Variants in ANGPT1 observed in about 807,000 individuals in gnomAD.
ANGPT1 encodes angiopoietin 1.
Under a neutral mutation model 62.2 loss-of-function variants are expected in ANGPT1, and 17 were observed. The observed-to-expected ratio is 0.27, with a 90% confidence interval of 0.19 to 0.41. The LOEUF (loss-of-function observed/expected upper bound fraction) is 0.41. ANGPT1 is among the 10% of genes least tolerant of loss of function. The probability of loss-of-function intolerance (pLI) is 1.00; values close to 1 mark genes in which losing one functional copy is unlikely to be tolerated. For missense variants in ANGPT1, 478 were observed against 594.9 expected, an observed-to-expected ratio of 0.80 and a Z score of 2.04; for synonymous variants, 199 against 198.9, an observed-to-expected ratio of 1.00 and a Z score of 0.00.
chr8:107,265,649 A>G (rs1227412491), intron 7 of ANGPT1, among the ~76,000 whole-genome samples: 4 of 152,148 alleles, frequency 2.6e-5, no homozygotes, highest in East Asian at 3.9e-4. Context: ...CTTCAAATTC[A>G]TATAGGTCAC....
intron 2 of ANGPT1, among the ~76,000 whole-genome samples, chr8:107,341,339 C>T (rs920134663): frequency 2.0e-5 from 3 of 151,860 alleles, no homozygotes; most frequent in East Asian, 1.9e-4. Flanking sequence ...AAATGCAGAA[C>T]GTGAAATGAT....
intron 7 of ANGPT1, among the ~76,000 whole-genome samples, chr8:107,272,682 T>C (rs12542896): frequency 0.94 from 141,402 of 151,144 alleles, 66,236 homozygotes; most frequent in Middle Eastern, 0.98. Flanking sequence ...GTTATTGTTG[T>C]GTGCCTTTCA....
chr8:107,292,527 A>AT (rs199844664), intron 6 of ANGPT1, among the ~76,000 whole-genome samples: 1,702 of 152,268 alleles, frequency 0.011, 21 homozygotes, highest in Middle Eastern at 0.02. Flanking sequence ...TAATTTAGGT[A>AT]TTTTTTATCT....
At chr8:107,354,901 C>T (rs2130184571) in intron 1 of ANGPT1, among the ~76,000 whole-genome samples, 1 of 151,316 alleles carries the variant, frequency 6.6e-6, no homozygotes, top group South Asian at 2.1e-4. Flanking sequence ...ATTAAATCCA[C>T]ACCAGATGGT....
intron 1 of ANGPT1, among the ~76,000 whole-genome samples, chr8:107,397,710 C>A (rs1816963658): frequency 6.6e-6 from 1 of 152,224 alleles, no homozygotes; most frequent in South Asian, 2.1e-4. Flanking sequence ...ACTCTTCATA[C>A]TGGAAACATT....
At chr8:107,391,994 T>A (rs1816844893) in intron 1 of ANGPT1, among the ~76,000 whole-genome samples, 1 of 152,214 alleles carries the variant, frequency 6.6e-6, no homozygotes, top group African/African-American at 2.4e-5. Flanking sequence ...GATGGAAATG[T>A]TGTTATGTGG....
intron 3 of ANGPT1, among the ~76,000 whole-genome samples, chr8:107,323,618 G>A (rs898320219): frequency 2.0e-5 from 3 of 152,178 alleles, no homozygotes; most frequent in Non-Finnish European, 4.4e-5. Context: ...TGTGGCAGAA[G>A]CTGTGCCATC....
intron 8 of ANGPT1, among the ~76,000 whole-genome samples, chr8:107,258,801 G>A (rs1813427782): frequency 1.3e-5 from 2 of 152,144 alleles, no homozygotes; most frequent in South Asian, 4.1e-4. Context: ...TTCCATGCTG[G>A]TGCATATAAA....
chr8:107,394,980 C>T (rs912110296), intron 1 of ANGPT1, among the ~76,000 whole-genome samples: 1 of 151,890 alleles, frequency 6.6e-6, no homozygotes, highest in East Asian at 1.9e-4. Flanking sequence ...AAAGCAGTAG[C>T]TCTCTATCTA....
intron 5 of ANGPT1, among the ~76,000 whole-genome samples, chr8:107,298,588 T>C (rs919569568): frequency 9.2e-5 from 14 of 151,908 alleles, no homozygotes; most frequent in African/African-American, 3.4e-4. Flanking sequence ...AAAACCGTCT[T>C]TGGCTTCCAC....
intron 1 of ANGPT1, among the ~76,000 whole-genome samples, chr8:107,378,613 G>A (rs1471388453): frequency 6.6e-6 from 1 of 152,060 alleles, no homozygotes; most frequent in Non-Finnish European, 1.5e-5. Context: ...CATGTTTGGG[G>A]GTTGGGACCT....
At chr8:107,396,011 A>G (rs1015181846) in intron 1 of ANGPT1, among the ~76,000 whole-genome samples, 3 of 152,218 alleles carry the variant, frequency 2.0e-5, no homozygotes, top group African/African-American at 7.2e-5. Flanking sequence ...GATTACTGGG[A>G]TACAAAGTGC....
chr8:107,277,719 C>T (rs1301830073), intron 7 of ANGPT1, among the ~76,000 whole-genome samples: 1 of 152,124 alleles, frequency 6.6e-6, no homozygotes, highest in Non-Finnish European at 1.5e-5. Flanking sequence ...ATTTAGTATT[C>T]TTCTCAAGAA....
intron 7 of ANGPT1, among the ~76,000 whole-genome samples, chr8:107,267,717 A>G (rs1279036683): frequency 6.6e-6 from 1 of 151,978 alleles, no homozygotes; most frequent in Non-Finnish European, 1.5e-5. Context: ...ATAAAGTCCA[A>G]ATTTTTTACT....
chr8:107,286,370 C>T (rs1374025428), intron 6 of ANGPT1, among the ~76,000 whole-genome samples: 1 of 152,010 alleles, frequency 6.6e-6, no homozygotes, highest in Non-Finnish European at 1.5e-5. Flanking sequence ...ATTGTTGGAA[C>T]TCTAAAAGAC....
At chr8:107,313,262 T>C (rs1042378516) in intron 4 of ANGPT1, among the ~76,000 whole-genome samples, 18 of 152,030 alleles carry the variant, frequency 1.2e-4, no homozygotes, top group African/African-American at 4.3e-4. Flanking sequence ...CTTTGTAGGC[T>C]GCATATTAAT....
At chr8:107,272,724 C>T (rs569762578) in intron 7 of ANGPT1, among the ~76,000 whole-genome samples, 21 of 149,464 alleles carry the variant, frequency 1.4e-4, no homozygotes, top group Admixed American at 2.0e-4. Flanking sequence ...CTATTCTGTA[C>T]ATCATATACA....
intron 1 of ANGPT1, among the ~76,000 whole-genome samples, chr8:107,364,768 C>A (rs1482847606): frequency 6.6e-6 from 1 of 152,164 alleles, no homozygotes; most frequent in Non-Finnish European, 1.5e-5. Context: ...TTCAAAACTT[C>A]AAAGGGAATT....
chr8:107,360,331 G>A (rs1413859661), intron 1 of ANGPT1, among the ~76,000 whole-genome samples: 1 of 152,080 alleles, frequency 6.6e-6, no homozygotes, highest in Non-Finnish European at 1.5e-5. Context: ...AAATAGGTAT[G>A]GTTACCATCT....
Sources: gnomAD v4.1 joint callset for allele counts (sites outside exome capture counted in the v4.1 genomes callset) on GRCh38, gnomAD v4.1.1 for gene constraint, MANE v1.5 for transcripts, NCBI Gene and HGNC (gene_info 2026-07-23, HGNC 2026-07-21) for gene names.